Variants in TSGA10 observed in about 807,000 individuals in gnomAD.
TSGA10 encodes testis specific 10, also known as testis-specific gene 10 protein.
A neutral mutation model predicts 96.6 loss-of-function variants in TSGA10; 43 were observed. The observed-to-expected ratio is 0.44, with a 90% confidence interval of 0.35 to 0.57. The LOEUF is 0.57. TSGA10 is among the 20% of genes least tolerant of loss of function. The pLI is 0.01. For missense variants in TSGA10, 703 were observed against 834.4 expected (o/e 0.84, Z 1.94); for synonymous variants, 229 against 269.9 (o/e 0.85, Z 1.48).
chr2:99,098,842 T>C (rs2090387041), intron 10 of TSGA10, among the ~76,000 whole-genome samples: 1 of 152,164 alleles, frequency 6.6e-6, no homozygotes, highest in Non-Finnish European at 1.5e-5. Flanking sequence ...ATTTCTTTAA[T>C]AAATAAATGA....
chr2:99,007,200 G>A (rs1456005473), intron 20 of TSGA10, among the ~76,000 whole-genome samples: 1 of 152,112 alleles, frequency 6.6e-6, no homozygotes, highest in African/African-American at 2.4e-5. Flanking sequence ...TAAATGACGA[G>A]TTAATGGGTG....
chr2:99,096,484 C>A (rs969549736), intron 10 of TSGA10, among the ~76,000 whole-genome samples: 1 of 152,146 alleles, frequency 6.6e-6, no homozygotes, highest in Non-Finnish European at 1.5e-5. Flanking sequence ...GATAAGGTTG[C>A]CTTTATTAGT....
intron 20 of TSGA10, among the ~76,000 whole-genome samples, chr2:99,012,820 C>G (rs1407928286): frequency 6.6e-6 from 1 of 152,156 alleles, no homozygotes. Context: ...TACCCTAGAA[C>G]AAACGGACTT....
At chr2:99,098,521 G>A (rs1338858029) in intron 10 of TSGA10, among the ~76,000 whole-genome samples, 3 of 144,612 alleles carry the variant, frequency 2.1e-5, no homozygotes, top group African/African-American at 7.7e-5. Context: ...TTCATCTGAA[G>A]AAAATTCAAG....
intron 20 of TSGA10, among the ~76,000 whole-genome samples, chr2:98,999,327 G>T (rs1041570014): frequency 7.2e-5 from 11 of 152,154 alleles, no homozygotes; most frequent in African/African-American, 2.2e-4. Context: ...ATATTATGCT[G>T]GGTGAAAGTC....
chr2:99,038,690 G>A (rs181123183), intron 16 of TSGA10, among the ~76,000 whole-genome samples: 2 of 151,976 alleles, frequency 1.3e-5, no homozygotes, highest in South Asian at 2.1e-4. Context: ...TGAGATAGAT[G>A]GCAACACAAT....
Position 99,064,779 on chromosome 2 carries a change from T to C in TSGA10, c.1404+160A>G, listed in dbSNP as rs1274672256. On this transcript the variant is annotated intron_variant, in intron 16 of 20. Transcript: ENST00000393483. ...TGGATGTAGGGTAGATAAGAGATTGTAGAAGAATCAAAGTATAAGGAGAAT... is the reference window on the plus strand; with the variant it reads ...TGGATGTAGGGTAGATAAGAGATTGCAGAAGAATCAAAGTATAAGGAGAAT... 1.3e-5 allele frequency among the ~76,000 whole-genome samples: 2 copies of C among 152,206 alleles called. 1 individual carries two copies. The highest frequency in any genetic ancestry group is 3.8e-4 in the East Asian group (2 of 5,202).
At chr2:99,027,076 A>T (rs1472334946) in intron 17 of TSGA10, among the ~76,000 whole-genome samples, 1 of 152,238 alleles carries the variant, frequency 6.6e-6, no homozygotes, top group Non-Finnish European at 1.5e-5. Context: ...TGATCTGACA[A>T]GAGGTGGAGC....
intron 10 of TSGA10, among the ~76,000 whole-genome samples, chr2:99,099,703 T>C (rs1252712907): frequency 2.0e-5 from 3 of 152,150 alleles, no homozygotes; most frequent in Non-Finnish European, 4.4e-5. Context: ...TATTGAATAG[T>C]TAATTAGAAG....
chr2:99,098,220 G>A (rs561959639), intron 10 of TSGA10, among the ~76,000 whole-genome samples: 3 of 151,860 alleles, frequency 2.0e-5, no homozygotes, highest in East Asian at 1.9e-4. Flanking sequence ...GGTGGATCAC[G>A]AGGTCAGGAG....
chr2:99,000,300 G>A (rs1472210282), intron 20 of TSGA10, among the ~76,000 whole-genome samples: 1 of 151,774 alleles, frequency 6.6e-6, no homozygotes, highest in Non-Finnish European at 1.5e-5. Context: ...CTGAGGTCAG[G>A]AGTTCGAGAC....
At chr2:99,109,659 T>C (rs1306264587) in intron 5 of TSGA10, 147 bp from the exon 6 acceptor site, 2 of 505,698 alleles carry the variant, frequency 4.0e-6, no homozygotes, top group Non-Finnish European at 5.8e-6. Flanking sequence ...ACATTTAATT[T>C]GGTATTTTTT....
rs1351703899 is a variant in TSGA10 at position 99,137,819 on chromosome 2, A to T, written c.-620-10643T>A. Reference sequence around the variant, plus strand: ...AACATTTGCTAATAAATTAGAAGGGATTTATTGCAGTGAGCCGAGATCGTG... The same window carrying T: ...AACATTTGCTAATAAATTAGAAGGGTTTTATTGCAGTGAGCCGAGATCGTG... On this transcript the variant is annotated intron_variant, in intron 1 of 20. Transcript: ENST00000393483. Among the ~76,000 whole-genome samples, 4 of 150,356 alleles carry T rather than the reference A, an allele frequency of 2.7e-5. No homozygotes were observed. The Admixed American group carries it at 2.7e-4, about 10-fold the overall frequency.
intron 11 of TSGA10, among the ~76,000 whole-genome samples, chr2:99,080,179 T>A (rs1383128556): frequency 6.6e-6 from 1 of 152,202 alleles, no homozygotes; most frequent in Non-Finnish European, 1.5e-5. Flanking sequence ...CTCAACCCAC[T>A]CTATCTTCTA....
chr2:99,094,971 G>T (rs1345159045), intron 10 of TSGA10, among the ~76,000 whole-genome samples: 1 of 152,084 alleles, frequency 6.6e-6, no homozygotes, highest in Non-Finnish European at 1.5e-5. Context: ...AGCACAATTA[G>T]CAATTTCAAA....
At chr2:99,021,858 T>C (rs146074204) in intron 17 of TSGA10, among the ~76,000 whole-genome samples, 1,629 of 152,318 alleles carry the variant, frequency 0.011, 9 homozygotes, top group Middle Eastern at 0.027. Flanking sequence ...GAACATTACA[T>C]TGGGCAATGG....
intron 16 of TSGA10, among the ~76,000 whole-genome samples, chr2:99,048,032 T>A (rs906464503): frequency 6.6e-6 from 1 of 152,126 alleles, no homozygotes; most frequent in Non-Finnish European, 1.5e-5. Flanking sequence ...AAGGACCTCT[T>A]CAAGGAGAAC....
chr2:99,088,828 C>T (rs976907672), intron 10 of TSGA10, among the ~76,000 whole-genome samples: 17 of 152,178 alleles, frequency 1.1e-4, no homozygotes, highest in African/African-American at 3.6e-4. Flanking sequence ...TGTGGTTTAT[C>T]TATACTATGG....
At chr2:99,113,735 C>G (rs1033159677) in intron 4 of TSGA10, among the ~76,000 whole-genome samples, 1 of 148,698 alleles carries the variant, frequency 6.7e-6, no homozygotes, top group Non-Finnish European at 1.5e-5. Flanking sequence ...TTAGTAGAGA[C>G]CGGGTTTCAT....
Sources: allele counts gnomAD v4.1 joint callset (sites outside exome capture counted in the v4.1 genomes callset), GRCh38; gene constraint gnomAD v4.1.1; transcripts MANE v1.5; gene names NCBI Gene and HGNC (gene_info 2026-07-23, HGNC 2026-07-21).